The following PRELID3B variants were observed in gnomAD, a reference collection of about 807,000 sequenced individuals.
The protein encoded by PRELID3B is PRELI domain containing protein 3B.
In PRELID3B, 15 loss-of-function variants were observed where a neutral mutation model predicts 24.0. The ratio of observed to expected loss-of-function variants is 0.63; its 90% CI spans 0.42 to 0.96. The LOEUF is 0.96. PRELID3B is among the 40% of genes least tolerant of loss of function. The probability of loss-of-function intolerance (pLI) is 0.00; values close to 1 mark genes in which losing one functional copy is unlikely to be tolerated. For missense variants in PRELID3B, 189 were observed against 236.0 expected, an observed-to-expected ratio of 0.80 and a Z score of 1.30; for synonymous variants, 62 against 76.0, an observed-to-expected ratio of 0.82 and a Z score of 0.96.
In PRELID3B at chr20:59,038,567, C is replaced by A; in HGVS notation, c.100G>T (p.Val34Phe). The A allele has an allele frequency of 6.2e-7, 1 of 1,613,238 alleles. No individual in the cohort carries two copies. The highest frequency in any genetic ancestry group is 8.5e-7 in the Non-Finnish European group (1 of 1,179,824). ...KYPNPMNPSV[V>F]GVDVLDRHID... ...TGTCTGTCCAACACATCAACTCCAA[C>A]CACACTTGGGTTCATAGGGTTTGGG... The change falls in exon 2 of 6, where the codon GTT becomes TTT. Residue 34 changes from valine to phenylalanine, a missense_variant. By Grantham distance (50) the Val-to-Phe change is conservative. Transcript: ENST00000355937.
At chr20:59,037,754 C>T (rs958025686) in intron 2 of PRELID3B, among the ~76,000 whole-genome samples, 1 of 152,236 alleles carries the variant, frequency 6.6e-6, no homozygotes, top group Admixed American at 6.5e-5. Context: ...CACTGTCACT[C>T]CCTGTGCTAT....
chr20:59,042,746 A>G lies in PRELID3B; in HGVS notation c.-16T>C. 1 of 1,600,036 alleles carries G rather than the reference A, an allele frequency of 6.2e-7. No individual in the cohort carries two copies. Among genetic ancestry groups the G allele is most frequent in the East Asian group, 2.3e-5 (1 of 44,370 alleles). Reference sequence around the variant, plus strand: ...AGATCTTCATGGTGCCGGCACCCTGAGAGATGTCCGGGTAGCGCCAGGGGA... The same window carrying G: ...AGATCTTCATGGTGCCGGCACCCTGGGAGATGTCCGGGTAGCGCCAGGGGA... On this transcript the variant is annotated 5_prime_UTR_variant, in exon 1 of 6. Coordinates refer to ENST00000355937, the MANE Select transcript of PRELID3B (RefSeq NM_016045.3).
rs1568697634 is a variant in PRELID3B, at chr20:59,037,240, TGTTCTTGCACATATGTTTTC to T, written c.222_241del (p.Lys75PhefsTer4). 1.2e-6 allele frequency: 2 copies of T among 1,614,072 alleles called. No homozygotes were observed. Among genetic ancestry groups the T allele is most frequent in the Admixed American group, 1.7e-5 (1 of 60,026 alleles). On this transcript the variant is annotated frameshift_variant, in exon 3 of 6. Coordinates refer to ENST00000355937, the MANE Select transcript of PRELID3B (RefSeq NM_016045.3). LOFTEE classifies it high-confidence loss of function. ...TTTCTCTACAGGATCAACTACAGAATGTTCTTGCACATATGTTTTCGTTCTTGCTGCACCAATAAGCTAAG... is the reference window on the plus strand; with the variant it reads ...TTTCTCTACAGGATCAACTACAGAATGTTCTTGCTGCACCAATAAGCTAAG...
intron 3 of PRELID3B, 85 bp downstream of exon 3, chr20:59,037,106 C>T (rs980699864): frequency 1.0e-5 from 10 of 978,282 alleles, no homozygotes; most frequent in Admixed American, 2.0e-5. Flanking sequence ...ATCATGAACA[C>T]GCACTCACTT....
intron 1 of PRELID3B, among the ~76,000 whole-genome samples, chr20:59,039,522 C>T (rs2092097077): frequency 1.3e-5 from 2 of 152,208 alleles, no homozygotes; most frequent in South Asian, 4.1e-4. Flanking sequence ...TAAGTACAAT[C>T]AGTATTAAAG....
chr20:59,035,162 G>A (rs2092062886), intron 5 of PRELID3B, 36 bp from the exon 6 acceptor site: 2 of 1,579,168 alleles, frequency 1.3e-6, no homozygotes, highest in African/African-American at 1.4e-5. Flanking sequence ...TGTTACTGAG[G>A]GAGAGCAAAG....
chr20:59,038,534 G>T lies in PRELID3B; in HGVS notation c.133C>A (p.Pro45Thr). The T allele has an allele frequency of 6.2e-7, 1 of 1,613,700 alleles. No individual in the cohort carries two copies. Among genetic ancestry groups the T allele is most frequent in the Non-Finnish European group, 8.5e-7 (1 of 1,179,820 alleles). The change falls in exon 2 of 6, where the codon CCC becomes ACC. Residue 45 changes from proline to threonine, a missense_variant. Coordinates refer to ENST00000355937, the MANE Select transcript of PRELID3B (RefSeq NM_016045.3). ...CTGTGGCTGTGCAACTTTCCAGAGGGATCTATATGTCTGTCCAACACATCA... is the reference window on the plus strand; with the variant it reads ...CTGTGGCTGTGCAACTTTCCAGAGGTATCTATATGTCTGTCCAACACATCA... ...GVDVLDRHID[P>T]SGKLHSHRLL...
intron 2 of PRELID3B, chr20:59,038,238 G>A (rs780717718): frequency 1.4e-5 from 6 of 427,860 alleles, no homozygotes; most frequent in Non-Finnish European, 2.5e-5. Context: ...CAGATCACAC[G>A]GCATTAGCTG....
chr20:59,036,919 T>C, intron 3 of PRELID3B, among the ~76,000 whole-genome samples, 159 bp from the exon 4 acceptor site: 1 of 152,220 alleles, frequency 6.6e-6, no homozygotes, highest in East Asian at 1.9e-4. Context: ...CTACTTTTTA[T>C]TTAAAAAGCA....
At position 59,036,790 on chromosome 20, in the gene PRELID3B, A is replaced by G; in HGVS notation, c.292-30T>C. The stretch of plus-strand genomic sequence containing the variant: ...AGAATGAAGAAAAAAAAAAAAGATC[A>G]AATCATTTTGGAACTGAAGATTCAA... On this transcript the variant is annotated intron_variant, in intron 3 of 5. Transcript: ENST00000355937. 2.8e-6 allele frequency: 4 copies of G among 1,416,704 alleles called. No individual in the cohort carries two copies. In the South Asian group the frequency reaches 5.2e-5, roughly 18 times the overall value. 87.8% of individuals were successfully genotyped at this position (1,416,704 alleles called of 1,614,324 possible).
At chr20:59,039,744 T>A (rs1387710923) in intron 1 of PRELID3B, among the ~76,000 whole-genome samples, 1 of 152,240 alleles carries the variant, frequency 6.6e-6, no homozygotes, top group Non-Finnish European at 1.5e-5. Context: ...CAACTACATC[T>A]CGTTGACAAA....
rs1183734949 is a variant in PRELID3B at position 59,034,881 on chromosome 20, C to A, written c.*126G>T. 5.9e-6 allele frequency: 5 copies of A among 844,428 alleles called. No homozygotes were observed. The Admixed American group carries it at 2.1e-4, about 35-fold the overall frequency. The allele number at this position is 844,428 out of a possible 1,614,324, so 52.3% of individuals were successfully genotyped here. A position where few individuals can be genotyped will look rare whatever the true frequency, so the allele number is the denominator to read the frequency against. On this transcript the variant is annotated 3_prime_UTR_variant, in exon 6 of 6. Transcript: ENST00000355937. ...TTTGATCAAGTCACATAGCCTTACA[C>A]CAACTTATCAAAAAAAAAAAAAAAA... is the stretch of plus-strand genomic sequence containing the variant.
At chr20:59,041,162 AGAAGAGGACTGAAGCATGCAAACCTG>A in intron 1 of PRELID3B, among the ~76,000 whole-genome samples, 1 of 152,176 alleles carries the variant, frequency 6.6e-6, no homozygotes. Flanking sequence ...ATGCAAACCC[AGAAGAGGACTGAAGCATGCAAACCTG>A]GAAGAGGACT....
In PRELID3B at chr20:59,034,409, T is replaced by C. The variant is rs1477481880; in HGVS notation, c.*598A>G. ...TTGGGCAAATCAATACAGTACTCTT[T>C]TATAATGAAACCATACTTTTGTTGG... On this transcript the variant is annotated 3_prime_UTR_variant, in exon 6 of 6. Transcript: ENST00000355937. The C allele has an allele frequency of 6.5e-6, 1 of 152,712 alleles. No individual in the cohort carries two copies. Among genetic ancestry groups the C allele is most frequent in the African/African-American group, 2.4e-5 (1 of 41,474 alleles). 9.5% of individuals were successfully genotyped at this position (152,712 alleles called of 1,614,324 possible). A position where few individuals can be genotyped will look rare whatever the true frequency, so the allele number is the denominator to read the frequency against.
intron 5 of PRELID3B, among the ~76,000 whole-genome samples, chr20:59,036,260 A>G (rs2092071371): frequency 6.6e-6 from 1 of 152,200 alleles, no homozygotes; most frequent in Non-Finnish European, 1.5e-5. Flanking sequence ...TGAGGCATAG[A>G]AAGGTTAACT....
rs981444355 is a variant in PRELID3B at position 59,040,572 on chromosome 20, GAAGAA to G, written c.33-1943_33-1939del. ...ACCTGGATGCCAACTATAGGCCTCA[GAAGAA>G]AAGTGTTGGAAAATCAAAGACAGAT... On this transcript the variant is annotated intron_variant, in intron 1 of 5. Transcript: ENST00000355937. This position sits in a 1 kb window ranked among gnomAD's most constrained non-coding sequence, Gnocchi z 4.1. 7.9e-5 allele frequency among the ~76,000 whole-genome samples: 12 copies of G among 152,350 alleles called. No homozygotes were observed. Among genetic ancestry groups the G allele is most frequent in the African/African-American group, 2.9e-4 (12 of 41,574 alleles).
At chr20:59,035,420 T>C (rs968245770) in intron 5 of PRELID3B, among the ~76,000 whole-genome samples, 3 of 152,254 alleles carry the variant, frequency 2.0e-5, no homozygotes, top group Non-Finnish European at 4.4e-5. Context: ...GTCCCCTTTT[T>C]AGGGGCAAGA....
In PRELID3B at chr20:59,038,614, G is replaced by T. The variant is rs760700006; in HGVS notation, c.53C>A (p.Thr18Lys). 6.3e-6 allele frequency: 10 copies of T among 1,593,424 alleles called. No homozygotes were observed. In the East Asian group the frequency reaches 6.8e-5, roughly 11 times the overall value. ...TGGGTATTTCTGCATTGCAGCTGTT[G>T]TAACAGTTTCCCACGGGTGGCTGCC... ...HVFDHPWETV[T>K]TAAMQKYPNP... The change falls in exon 2 of 6, where the codon ACA becomes AAA. Residue 18 changes from threonine (T) to lysine (K), a missense_variant. Coordinates refer to ENST00000355937, the MANE Select transcript of PRELID3B (RefSeq NM_016045.3).
rs746802536 is a variant in PRELID3B at position 59,036,570 on chromosome 20, A to T, written c.366T>A (p.Thr122=). The T allele has an allele frequency of 1.1e-4, 179 of 1,613,940 alleles. 2 individuals are homozygous for T. In the South Asian group the frequency reaches 1.9e-3, roughly 17 times the overall value. Residue 122 remains threonine, a synonymous_variant, in exon 5 of 6, where the codon ACT becomes ACA. Coordinates refer to ENST00000355937, the MANE Select transcript of PRELID3B (RefSeq NM_016045.3). The part of the protein sequence containing the change: ...YKPHPQDPEK[T]VLTQEAIITV... ...TAATTATGGCTTCTTGTGTCAAAAC[A>T]GTTCTGGAACAAAACATATTCACAC...
Sources: allele counts gnomAD v4.1 joint callset (sites outside exome capture counted in the v4.1 genomes callset), GRCh38; gene constraint gnomAD v4.1.1; non-coding constraint Gnocchi (gnomAD v3.1); transcripts MANE v1.5; gene names NCBI Gene and HGNC (gene_info 2026-07-23, HGNC 2026-07-21).